RNF24: variants seen among roughly 807,000 people sequenced by gnomAD.
RNF24 encodes the protein ring finger protein 24.
A neutral mutation model predicts 20.0 loss-of-function variants in RNF24; 14 were observed. The observed-to-expected ratio is 0.70, with a 90% CI of 0.46 to 1.10. The LOEUF is 1.10. Among genes scored for constraint, RNF24 ranks in the 50% least tolerant of loss-of-function variants. The pLI, the probability that RNF24 is intolerant of heterozygous loss-of-function variation, is 0.00. For missense variants in RNF24, 124 were observed against 177.6 expected, an observed-to-expected ratio of 0.70 and a Z score of 1.71; for synonymous variants, 45 against 61.1, an observed-to-expected ratio of 0.74 and a Z score of 1.23.
At chr20:3,963,832 T>C in intron 2 of RNF24, 43 bp downstream of exon 2, 1 of 1,441,534 alleles carries the variant, frequency 6.9e-7, no homozygotes, top group African/African-American at 1.4e-5. Context: ...GATTATTGAT[T>C]ATTTAACATA....
intron 1 of RNF24, among the ~76,000 whole-genome samples, chr20:4,004,500 T>C (rs1981681797): frequency 6.6e-6 from 1 of 151,800 alleles, no homozygotes; most frequent in Non-Finnish European, 1.5e-5. Context: ...CCGACTTTAT[T>C]TAAGAAAAAA....
intron 1 of RNF24, among the ~76,000 whole-genome samples, chr20:3,965,578 C>G (rs2091248891): frequency 6.6e-6 from 1 of 152,146 alleles, no homozygotes; most frequent in Non-Finnish European, 1.5e-5. Flanking sequence ...ATTTAATTTC[C>G]TTTTTCCTAC....
intron 3 of RNF24, among the ~76,000 whole-genome samples, chr20:3,945,442 T>C (rs563132500): frequency 3.9e-5 from 6 of 152,210 alleles, no homozygotes; most frequent in African/African-American, 1.4e-4. Flanking sequence ...TGGCCGAGCA[T>C]AGTGGCTCAC....
At chr20:3,979,016 C>T (rs1979147789) in intron 1 of RNF24, among the ~76,000 whole-genome samples, 1 of 151,150 alleles carries the variant, frequency 6.6e-6, no homozygotes, top group African/African-American at 2.4e-5. Flanking sequence ...AACGGTTAAA[C>T]TCGGAAGGCG....
chr20:3,989,219 C>T (rs1007757192), intron 1 of RNF24, among the ~76,000 whole-genome samples: 8 of 152,246 alleles, frequency 5.3e-5, no homozygotes, highest in Admixed American at 2.6e-4. Flanking sequence ...TGGCCGGGCA[C>T]GGTGGCTCAC....
At chr20:3,935,907 G>A (rs933582730) in intron 4 of RNF24, among the ~76,000 whole-genome samples, 1 of 152,018 alleles carries the variant, frequency 6.6e-6, no homozygotes, top group African/African-American at 2.4e-5. Flanking sequence ...ATGTGCTGTT[G>A]TGCCATTGCT....
At position 3,934,071 on chromosome 20, in the gene RNF24, T is replaced by C; in HGVS notation, c.439A>G (p.Ile147Val). The C allele has an allele frequency of 6.7e-7, 1 of 1,497,132 alleles. No individual in the cohort carries two copies. Among genetic ancestry groups the C allele is most frequent in the Non-Finnish European group, 8.9e-7 (1 of 1,125,796 alleles). 92.7% of individuals were successfully genotyped at this position (1,497,132 alleles called of 1,614,324 possible). Residue 147 changes from isoleucine to valine, a missense_variant, in exon 6 of 6, where the codon ATT becomes GTT. Transcript: ENST00000358395. This position sits in a 1 kb window ranked among gnomAD's most constrained non-coding sequence, Gnocchi z 4.0. ...CTGATCCTTGCGGTAAGCTATACAA[T>C]GTTCTCTGCCCCAGGAAGGGGCCCC... is the stretch of plus-strand genomic sequence containing the variant. ...PQGPLPGAEN[I>V]V is the part of the protein sequence containing the mutation.
chr20:3,966,990 C>T (rs1160697179), intron 1 of RNF24, among the ~76,000 whole-genome samples: 2 of 151,974 alleles, frequency 1.3e-5, no homozygotes, highest in African/African-American at 2.4e-5. Context: ...TATGTTGATG[C>T]GAATATATTT....
chr20:3,973,116 T>C (rs1254618418), intron 1 of RNF24, among the ~76,000 whole-genome samples: 1 of 151,808 alleles, frequency 6.6e-6, no homozygotes, highest in Non-Finnish European at 1.5e-5. Flanking sequence ...GGCAGGAGAA[T>C]TGACTGAACC....
At chr20:3,974,864 T>C (rs1321478238) in intron 1 of RNF24, among the ~76,000 whole-genome samples, 1 of 151,972 alleles carries the variant, frequency 6.6e-6, no homozygotes, top group Admixed American at 6.6e-5. Flanking sequence ...ATAATTCCTA[T>C]AAAAATCCCA....
chr20:3,931,557 T>C lies in RNF24; in HGVS notation c.*2506A>G, dbSNP rs1459070548. On this transcript the variant is annotated 3_prime_UTR_variant, in exon 6 of 6. Coordinates refer to ENST00000358395, the MANE Select transcript of RNF24 (RefSeq NM_001134337.3). ...CAGATGCAGGGAGCAAATATTCGGGTTGTGTTGCTAAGAGTCGCAGGAACT... is the reference window on the plus strand; with the variant it reads ...CAGATGCAGGGAGCAAATATTCGGGCTGTGTTGCTAAGAGTCGCAGGAACT... 1 of 151,994 alleles carries C rather than the reference T, an allele frequency of 6.6e-6. No individual in the cohort carries two copies. The highest frequency in any genetic ancestry group is 2.4e-5 in the African/African-American group (1 of 41,372). 9.4% of individuals were successfully genotyped at this position (151,994 alleles called of 1,614,324 possible).
Position 3,967,973 on chromosome 20 carries a change from CAA to C in RNF24, c.-7-3951_-7-3950del, listed in dbSNP as rs58984163. ...GCGCCACTGCACTCCAGCCTGGCAACAAAAAAAAAAAAAAAAAAAAAAGAAAG... is the reference window on the plus strand; with the variant it reads ...GCGCCACTGCACTCCAGCCTGGCAACAAAAAAAAAAAAAAAAAAAAGAAAG... On this transcript the variant is annotated intron_variant, in intron 1 of 5. Transcript: ENST00000358395. Among the ~76,000 whole-genome samples the C allele has an allele frequency of 6.2e-3, 476 of 77,180 alleles. 6 individuals carry two copies. The highest frequency in any genetic ancestry group is 0.031 in the Admixed American group (209 of 6,822). 50.6% of individuals were successfully genotyped at this position (77,180 alleles called of 152,430 possible).
chr20:3,982,787 G>A (rs185448226), intron 1 of RNF24, among the ~76,000 whole-genome samples: 3 of 152,204 alleles, frequency 2.0e-5, no homozygotes, highest in Admixed American at 1.3e-4. Flanking sequence ...TACTTGGGAT[G>A]TTGAGGTGGA....
At chr20:4,003,274 T>C (rs1981567099) in intron 1 of RNF24, among the ~76,000 whole-genome samples, 1 of 152,084 alleles carries the variant, frequency 6.6e-6, no homozygotes, top group African/African-American at 2.4e-5. Context: ...CGGCCCAGAA[T>C]TTTTCTTTTT....
intron 1 of RNF24, among the ~76,000 whole-genome samples, chr20:3,993,062 A>G (rs1980581911): frequency 6.6e-6 from 1 of 152,218 alleles, no homozygotes; most frequent in Non-Finnish European, 1.5e-5. Context: ...CTGAAACTGG[A>G]GAACCTTTTT....
chr20:4,012,430 A>C lies in RNF24; in HGVS notation c.-8+3007T>G, dbSNP rs545737312. Among the ~76,000 whole-genome samples, 594 of 118,362 alleles carry C rather than the reference A, an allele frequency of 5.0e-3. 3 individuals are homozygous for C. Among genetic ancestry groups the C allele is most frequent in the Middle Eastern group, 0.017 (4 of 242 alleles). The allele number at this position is 118,362 out of a possible 152,430, so 77.7% of individuals were successfully genotyped here. A position where few individuals can be genotyped will look rare whatever the true frequency, so the allele number is the denominator to read the frequency against. ...AGACTCCATCTCAAAAAAAAAAAAC[A>C]ACAAAACACCCAAAAAACAAAAAAG... is the stretch of plus-strand genomic sequence containing the variant. On this transcript the variant is annotated intron_variant, in intron 1 of 5. Transcript: ENST00000358395.
At position 3,933,248 on chromosome 20, in the gene RNF24, T is replaced by A; in HGVS notation, c.*815A>T. On this transcript the variant is annotated 3_prime_UTR_variant, in exon 6 of 6. Coordinates refer to ENST00000358395, the MANE Select transcript of RNF24 (RefSeq NM_001134337.3). Reference sequence around the variant, plus strand: ...ACTCGAGAGGTTCACAGTGGCTCCCTTCTGAGGCAGTGGCAGTGGGCTCAC... The same window carrying A: ...ACTCGAGAGGTTCACAGTGGCTCCCATCTGAGGCAGTGGCAGTGGGCTCAC... 1 of 398,262 alleles carries A rather than the reference T, an allele frequency of 2.5e-6. No homozygotes were observed. Among genetic ancestry groups the A allele is most frequent in the African/African-American group, 2.1e-5 (1 of 48,716 alleles). 24.7% of individuals were successfully genotyped at this position (398,262 alleles called of 1,614,324 possible). A position where few individuals can be genotyped will look rare whatever the true frequency, so the allele number is the denominator to read the frequency against.
rs780956041 is a variant in RNF24, at chr20:3,934,109, C to T, written c.401G>A (p.Arg134His). The T allele has an allele frequency of 1.5e-5, 24 of 1,552,594 alleles. No homozygotes were observed. Among genetic ancestry groups the T allele is most frequent in the African/African-American group, 4.2e-5 (3 of 71,614 alleles). Residue 134 changes from arginine (R) to histidine (H), a missense_variant, in exon 6 of 6, where the codon CGT (arginine) becomes CAT (histidine). Coordinates refer to ENST00000358395, the MANE Select transcript of RNF24 (RefSeq NM_001134337.3). This position sits in a 1 kb window ranked among gnomAD's most constrained non-coding sequence, Gnocchi z 4.0. ...QLAQLHSKQD[R>H]GPPQGPLPGA... The stretch of plus-strand genomic sequence containing the variant: ...AGGAAGGGGCCCCTGAGGGGGTCCA[C>T]GGTCCTGCTTACTGTGCAACTGGGC...
At chr20:3,974,957 T>C (rs1041011819) in intron 1 of RNF24, among the ~76,000 whole-genome samples, 2 of 151,836 alleles carry the variant, frequency 1.3e-5, no homozygotes, top group Non-Finnish European at 2.9e-5. Context: ...GCTAAAGCAA[T>C]TTTGAAAAAA....
Sources: gnomAD v4.1 joint callset for allele counts (sites outside exome capture counted in the v4.1 genomes callset) on GRCh38, gnomAD v4.1.1 for gene constraint, Gnocchi (gnomAD v3.1) non-coding constraint, MANE v1.5 for transcripts, NCBI Gene and HGNC (gene_info 2026-07-23, HGNC 2026-07-21) for gene names.